Variants in PARN observed in about 807,000 individuals in gnomAD.
PARN encodes poly(A)-specific ribonuclease PARN.
A neutral mutation model predicts 102.8 loss-of-function variants in PARN; 71 were observed. The observed-to-expected ratio is 0.69, with a 90% CI of 0.57 to 0.84. The LOEUF (loss-of-function observed/expected upper bound fraction) is 0.84. Among genes scored for constraint, PARN ranks in the 40% least tolerant of loss-of-function variants. The pLI is 0.00. For synonymous variants in PARN, 261 were observed against 252.9 expected (o/e 1.03, Z -0.30); for missense variants, 782 against 760.9 (o/e 1.03, Z -0.33).
chr16:14,505,806 T>C (rs982168434), intron 21 of PARN, among the ~76,000 whole-genome samples: 7 of 152,192 alleles, frequency 4.6e-5, no homozygotes, highest in African/African-American at 1.7e-4. Flanking sequence ...TGGCAACATG[T>C]GAACTAAAAT....
chr16:14,453,086 T>C (rs957133488), intron 22 of PARN, among the ~76,000 whole-genome samples: 3 of 152,228 alleles, frequency 2.0e-5, no homozygotes, highest in Admixed American at 6.5e-5. Flanking sequence ...CTCCCATTTG[T>C]ATGACCTCAT....
chr16:14,513,579 T>C (rs1474110608), intron 21 of PARN, among the ~76,000 whole-genome samples: 1 of 152,208 alleles, frequency 6.6e-6, no homozygotes, highest in African/African-American at 2.4e-5. Context: ...GCTCTGCACA[T>C]GGCCTACCTG....
chr16:14,552,098 G>A lies in PARN; in HGVS notation c.1406-3C>T. ...AATCCAGGATATCTGAATGTTACCT[G>A]CAATCGCAAATTAAAAGTAAAGTGA... On this transcript the variant is annotated splice_polypyrimidine_tract_variant and splice_region_variant and intron_variant, in intron 20 of 23. Coordinates refer to ENST00000437198, the MANE Select transcript of PARN (RefSeq NM_002582.4). 1.9e-6 allele frequency: 3 copies of A among 1,594,390 alleles called. No individual in the cohort carries two copies. The highest frequency in any genetic ancestry group is 2.6e-6 in the Non-Finnish European group (3 of 1,163,940).
intron 21 of PARN, 21 bp downstream of exon 21, chr16:14,552,000 A>G: frequency 6.4e-7 from 1 of 1,573,556 alleles, no homozygotes; most frequent in Non-Finnish European, 8.7e-7. Flanking sequence ...AATACACAAA[A>G]CAGAAATCCA....
At chr16:14,546,236 T>C (rs1966931973) in intron 21 of PARN, among the ~76,000 whole-genome samples, 1 of 152,020 alleles carries the variant, frequency 6.6e-6, no homozygotes, top group Admixed American at 6.5e-5. Flanking sequence ...CCTGAAAGAG[T>C]TGTCTCTACA....
intron 12 of PARN, among the ~76,000 whole-genome samples, chr16:14,595,858 G>A (rs1970475173): frequency 6.6e-6 from 1 of 150,938 alleles, no homozygotes; most frequent in Non-Finnish European, 1.5e-5. Flanking sequence ...TAGAGAGGGG[G>A]TCTCCCATGT....
intron 18 of PARN, among the ~76,000 whole-genome samples, chr16:14,564,550 A>C (rs1968309692): frequency 6.6e-6 from 1 of 152,188 alleles, no homozygotes. Context: ...CATCAGGAAA[A>C]CGAGTGAATC....
chr16:14,616,202 G>A (rs1971891854), intron 6 of PARN, among the ~76,000 whole-genome samples: 1 of 152,128 alleles, frequency 6.6e-6, no homozygotes, highest in Non-Finnish European at 1.5e-5. Context: ...GGAGAGGAAG[G>A]AAAACCAATC....
chr16:14,526,993 A>C (rs556312624), intron 21 of PARN, among the ~76,000 whole-genome samples: 2 of 152,358 alleles, frequency 1.3e-5, no homozygotes, highest in East Asian at 3.9e-4. Context: ...TGAAGAAAGG[A>C]AGGCAGAGAA....
intron 21 of PARN, among the ~76,000 whole-genome samples, chr16:14,496,523 T>G (rs117149318): frequency 1.3e-5 from 2 of 152,134 alleles, no homozygotes; most frequent in Non-Finnish European, 2.9e-5. Context: ...CTTGAGGAAG[T>G]TGACAGACAG....
intron 21 of PARN, among the ~76,000 whole-genome samples, chr16:14,491,849 C>T (rs1169203767): frequency 6.6e-6 from 1 of 152,190 alleles, no homozygotes; most frequent in Non-Finnish European, 1.5e-5. Flanking sequence ...TGCTGGCAGC[C>T]TGTCTCCACT....
intron 21 of PARN, among the ~76,000 whole-genome samples, chr16:14,534,921 A>AC (rs1966546818): frequency 6.9e-6 from 1 of 143,942 alleles, no homozygotes; most frequent in Non-Finnish European, 1.5e-5. Flanking sequence ...CACAACCTCC[A>AC]CCTCCCGGGT....
intron 21 of PARN, among the ~76,000 whole-genome samples, chr16:14,512,488 C>T (rs1416941073): frequency 6.6e-6 from 1 of 152,026 alleles, no homozygotes; most frequent in African/African-American, 2.4e-5. Flanking sequence ...GTGAGACTCT[C>T]TCAAAAAAAG....
At chr16:14,585,406 G>T (rs866603649) in intron 14 of PARN, among the ~76,000 whole-genome samples, 2 of 149,510 alleles carry the variant, frequency 1.3e-5, no homozygotes, top group Admixed American at 1.3e-4. Flanking sequence ...GAACAGAGTG[G>T]GTAACAGGAC....
chr16:14,580,260 G>C lies in PARN; in HGVS notation c.1262+614C>G, dbSNP rs571882584. On this transcript the variant is annotated intron_variant, in intron 18 of 23. Transcript: ENST00000437198. ...TGGGGGATTACAGGCGTGAGCCACC[G>C]CGCCTGGCCAGGAAATTTTCTTTTG... 1.4e-3 allele frequency among the ~76,000 whole-genome samples: 215 copies of C among 151,046 alleles called. 1 individual carries two copies. Among genetic ancestry groups the C allele is most frequent in the African/African-American group, 5.0e-3 (206 of 41,194 alleles).
At chr16:14,581,590 G>C (rs1969537022) in intron 17 of PARN, among the ~76,000 whole-genome samples, 1 of 152,098 alleles carries the variant, frequency 6.6e-6, no homozygotes, top group South Asian at 2.1e-4. Context: ...ACCTTTGGGA[G>C]GTAATTAAGT....
At chr16:14,584,476 T>C (rs1969721963) in intron 15 of PARN, 54 bp from the exon 16 acceptor site, 2 of 1,424,260 alleles carry the variant, frequency 1.4e-6, no homozygotes, top group South Asian at 2.3e-5. Context: ...GAACAATATA[T>C]TAAAGAGATT....
chr16:14,564,661 A>C (rs1349233755), intron 18 of PARN, among the ~76,000 whole-genome samples: 1 of 152,170 alleles, frequency 6.6e-6, no homozygotes, highest in Non-Finnish European at 1.5e-5. Context: ...ACAGACTTCT[A>C]ATGTCATGAC....
chr16:14,620,253 T>G (rs1445117960), intron 5 of PARN, among the ~76,000 whole-genome samples: 1 of 151,856 alleles, frequency 6.6e-6, no homozygotes, highest in Non-Finnish European at 1.5e-5. Flanking sequence ...AGTGGGCACC[T>G]GTAGTCCCAG....
Sources: gnomAD v4.1 joint callset for allele counts (sites outside exome capture counted in the v4.1 genomes callset) on GRCh38, gnomAD v4.1.1 for gene constraint, MANE v1.5 for transcripts, NCBI Gene and HGNC (gene_info 2026-07-23, HGNC 2026-07-21) for gene names.